The following PACS2 variants were observed in gnomAD, a reference collection of about 807,000 sequenced individuals.
The protein encoded by PACS2 is PACS1-like protein.
PACS2 carries 36 observed loss-of-function variants against 113.0 expected under a neutral mutation model. That is an observed-to-expected ratio of 0.32 (90% confidence interval 0.24 to 0.42). The LOEUF is 0.42. PACS2 is among the 10% of genes least tolerant of loss of function. PACS2 has a pLI of 1.00. For missense variants in PACS2, 1,015 were observed against 1,239.5 expected (o/e 0.82, Z 2.72); for synonymous variants, 589 against 536.1 (o/e 1.10, Z -1.36).
chr14:105,344,354 G>A (rs905908562), intron 1 of PACS2, among the ~76,000 whole-genome samples: 1 of 151,770 alleles, frequency 6.6e-6, no homozygotes, highest in African/African-American at 2.4e-5. Flanking sequence ...GCAGTGATAC[G>A]ATCTCGGCTC....
chr14:105,321,149 G>A (rs2058869525), intron 1 of PACS2, among the ~76,000 whole-genome samples: 1 of 152,170 alleles, frequency 6.6e-6, no homozygotes, highest in Admixed American at 6.6e-5. Flanking sequence ...TGCTTTCTGG[G>A]TCAGTGTGTC....
Position 105,315,050 on chromosome 14 carries a change from CG to C in PACS2, c.119+14del. 8.6e-7 allele frequency: 1 copy of C among 1,167,282 alleles called. No individual in the cohort carries two copies. Among genetic ancestry groups the C allele is most frequent in the South Asian group, 2.3e-5 (1 of 43,548 alleles). 72.3% of individuals were successfully genotyped at this position (1,167,282 alleles called of 1,614,324 possible). The stretch of plus-strand genomic sequence containing the variant: ...GCTGCGTGCCCAGGTACGCGCCGCC[CG>C]CCGCGCTTTGTTCCCGCCGGGCACC... On this transcript the variant is annotated intron_variant, in intron 1 of 24. Transcript: ENST00000447393. The surrounding 1 kb of genome is among the most constrained non-coding windows in gnomAD (Gnocchi z 4.4).
At position 105,394,819 on chromosome 14, in the gene PACS2, C is replaced by CT. The variant is rs1715686065; in HGVS notation, c.*148dup. On this transcript the variant is annotated 3_prime_UTR_variant, in exon 25 of 25. Coordinates refer to ENST00000447393, the MANE Select transcript of PACS2 (RefSeq NM_001100913.3). ...TATGAATGTGCTCACAACGTGGAAACTAACGGGGGAGCTCCTGCCAGGAGC... is the reference window on the plus strand; with the variant it reads ...TATGAATGTGCTCACAACGTGGAAACTTAACGGGGGAGCTCCTGCCAGGAGC... 2 of 648,476 alleles carry CT rather than the reference C, an allele frequency of 3.1e-6. No homozygotes were observed. Among genetic ancestry groups the CT allele is most frequent in the Admixed American group, 2.4e-5 (1 of 41,458 alleles). The allele number at this position is 648,476 out of a possible 1,614,324, so 40.2% of individuals were successfully genotyped here. A position where few individuals can be genotyped will look rare whatever the true frequency, so the allele number is the denominator to read the frequency against.
intron 8 of PACS2, chr14:105,372,951 C>T (rs1302578545): frequency 5.3e-5 from 8 of 151,816 alleles, no homozygotes; most frequent in African/African-American, 1.5e-4. Context: ...TTGCAAATAA[C>T]ATACCTGGTA....
rs180798480 is a variant in PACS2, at chr14:105,319,776, C to A, written c.119+4739C>A. On this transcript the variant is annotated intron_variant, in intron 1 of 24. Transcript: ENST00000447393. Reference sequence around the variant, plus strand: ...CTTAAGGAAGGTTTCCAGTGTTTTACCTTTAAGGACGATGTTTGCTGCAAC... The same window carrying A: ...CTTAAGGAAGGTTTCCAGTGTTTTAACTTTAAGGACGATGTTTGCTGCAAC... 1.2e-3 allele frequency among the ~76,000 whole-genome samples: 181 copies of A among 152,258 alleles called. 1 individual carries two copies. Among genetic ancestry groups the A allele is most frequent in the African/African-American group, 4.2e-3 (175 of 41,542 alleles).
At chr14:105,391,512 T>TGGCCCCCCCCCCCCCCCC in intron 21 of PACS2, 119 bp from the exon 22 acceptor site, 5 of 611,314 alleles carry the variant, frequency 8.2e-6, no homozygotes, top group East Asian at 2.9e-5. Flanking sequence ...CACTGGGGAC[T>TGGCCCCCCCCCCCCCCCC]CCCACCCTGC....
intron 1 of PACS2, among the ~76,000 whole-genome samples, chr14:105,305,086 A>G (rs2058148059): frequency 1.3e-5 from 2 of 152,196 alleles, no homozygotes; most frequent in Non-Finnish European, 2.9e-5. Flanking sequence ...TGCTTCCCTC[A>G]TGAGCGGGAT....
intron 7 of PACS2, 140 bp from the exon 8 acceptor site, chr14:105,369,701 A>T (rs1355438455): frequency 3.0e-6 from 2 of 673,150 alleles, no homozygotes; most frequent in East Asian, 2.8e-5. Context: ...GCCACGAGCG[A>T]ATCCATCAGC....
At chr14:105,391,524 C>A in intron 21 of PACS2, 107 bp from the exon 22 acceptor site, 2 of 751,496 alleles carry the variant, frequency 2.7e-6, no homozygotes, top group South Asian at 1.8e-5. Context: ...CCACCCTGCC[C>A]ACCCCCAGGA....
At chr14:105,335,409 C>T (rs1002203567) in intron 1 of PACS2, among the ~76,000 whole-genome samples, 4 of 151,348 alleles carry the variant, frequency 2.6e-5, no homozygotes, top group Admixed American at 6.6e-5. Context: ...CGGCGCCTGG[C>T]GTGGCTCTGA....
At chr14:105,318,044 C>T (rs962953142) in intron 1 of PACS2, among the ~76,000 whole-genome samples, 7 of 152,230 alleles carry the variant, frequency 4.6e-5, no homozygotes, top group Admixed American at 3.9e-4. Context: ...TGTCCCTGAG[C>T]GCCCCCACCT....
At chr14:105,326,137 C>A (rs1220453141) in intron 1 of PACS2, among the ~76,000 whole-genome samples, 1 of 152,252 alleles carries the variant, frequency 6.6e-6, no homozygotes, top group Admixed American at 6.5e-5. Context: ...ATGGGCATTG[C>A]ATGCTGGGCT....
rs994803615 is a variant in PACS2, at chr14:105,316,786, TG to T, written c.119+1757del. Among the ~76,000 whole-genome samples the T allele has an allele frequency of 4.4e-5, 6 of 136,280 alleles. 1 individual carries two copies. Among genetic ancestry groups the T allele is most frequent in the Admixed American group, 3.6e-4 (5 of 13,830 alleles). 89.4% of individuals were successfully genotyped at this position (136,280 alleles called of 152,430 possible). On this transcript the variant is annotated intron_variant, in intron 1 of 24. Coordinates refer to ENST00000447393, the MANE Select transcript of PACS2 (RefSeq NM_001100913.3). ...ACCTGGGCTGGGTAGCACTAAGTGCTGGGGGGGGTCCCGAGCTCTGGCCTGG... is the reference window on the plus strand; with the variant it reads ...ACCTGGGCTGGGTAGCACTAAGTGCTGGGGGGGTCCCGAGCTCTGGCCTGG...
At position 105,367,262 on chromosome 14, in the gene PACS2, G is replaced by A; in HGVS notation, c.473G>A (p.Ser158Asn). The change falls in exon 5 of 25, where the codon AGC (serine) becomes AAC (asparagine). Residue 158 changes from serine to asparagine, a missense_variant. Physicochemically the swap from Ser to Asn is conservative, Grantham distance 46. Around this residue, in one of 3 missense-constraint regions of PACS2, gnomAD observed 859 missense variants for 1,056.8 expected, o/e 0.81. Transcript: ENST00000447393. Reference sequence around the variant, plus strand: ...GGCCAGGTGCTGAGCCTCTGCAGCAGCATCAAGGAGGCCCCCGTCAAGGCG... The same window carrying A: ...GGCCAGGTGCTGAGCCTCTGCAGCAACATCAAGGAGGCCCCCGTCAAGGCG... ...EGGQVLSLCS[S>N]IKEAPVKAAE... 6.2e-7 allele frequency: 1 copy of A among 1,613,162 alleles called. No homozygotes were observed. The highest frequency in any genetic ancestry group is 1.3e-5 in the African/African-American group (1 of 75,062).
intron 1 of PACS2, among the ~76,000 whole-genome samples, chr14:105,320,974 G>A (rs2058864096): frequency 1.3e-5 from 2 of 152,164 alleles, no homozygotes; most frequent in South Asian, 2.1e-4. Context: ...GCAACGTAGT[G>A]AAATCCCATC....
At chr14:105,341,722 A>G (rs184160233) in intron 1 of PACS2, among the ~76,000 whole-genome samples, 8 of 152,318 alleles carry the variant, frequency 5.3e-5, no homozygotes, top group Admixed American at 6.5e-5. Context: ...TTTATGTTTT[A>G]GAGACAGAGT....
At chr14:105,342,889 C>T (rs1314654774) in intron 1 of PACS2, among the ~76,000 whole-genome samples, 8 of 149,436 alleles carry the variant, frequency 5.4e-5, no homozygotes, top group Non-Finnish European at 1.0e-4. Flanking sequence ...GAGCCAAGAT[C>T]GCACCACTGC....
intron 1 of PACS2, among the ~76,000 whole-genome samples, chr14:105,302,025 G>A (rs1186787845): frequency 1.3e-5 from 2 of 151,920 alleles, no homozygotes; most frequent in Admixed American, 1.3e-4. Context: ...TGTAATCCCA[G>A]CTACTCGCGA....
Position 105,376,744 on chromosome 14 carries a change from C to CA in PACS2, c.802-23dup, listed in dbSNP as rs1555410514. 3.1e-6 allele frequency: 5 copies of CA among 1,609,136 alleles called. No homozygotes were observed. Among genetic ancestry groups the CA allele is most frequent in the Non-Finnish European group, 3.4e-6 (4 of 1,177,422 alleles). ...GCAATGTGGGCTGCTGCAGGGAACTCACGCGTGCCTGGCACCCGTGCAGGT... is the reference window on the plus strand; with the variant it reads ...GCAATGTGGGCTGCTGCAGGGAACTCAACGCGTGCCTGGCACCCGTGCAGGT... On this transcript the variant is annotated intron_variant, in intron 8 of 24. Coordinates refer to ENST00000447393, the MANE Select transcript of PACS2 (RefSeq NM_001100913.3). This position sits in a 1 kb window ranked among gnomAD's most constrained non-coding sequence, Gnocchi z 4.7.
Sources: gnomAD v4.1 joint callset for allele counts (sites outside exome capture counted in the v4.1 genomes callset) on GRCh38, gnomAD v4.1.1 for gene constraint, gnomAD v4.1.1 regional missense constraint, Gnocchi (gnomAD v3.1) non-coding constraint, MANE v1.5 for transcripts, NCBI Gene and HGNC (gene_info 2026-07-23, HGNC 2026-07-21) for gene names.